IGLL5: variants seen among roughly 807,000 people sequenced by gnomAD.
IGLL5 encodes the protein immunoglobulin lambda like polypeptide 5.
IGLL5 carries 30 observed loss-of-function variants against 20.9 expected under a neutral mutation model. The ratio of observed to expected loss-of-function variants is 1.44; its 90% CI spans 1.07 to 1.95. The LOEUF (loss-of-function observed/expected upper bound fraction) is 1.95. IGLL5 is among the 30% of genes most tolerant of loss of function. IGLL5 has a pLI of 0.00. For missense variants in IGLL5, 475 were observed against 270.7 expected (o/e 1.75, Z -5.30); for synonymous variants, 203 against 117.3 (o/e 1.73, Z -4.72).
intron 1 of IGLL5, among the ~76,000 whole-genome samples, chr22:22,888,490 G>C (rs1261938113): frequency 6.6e-6 from 1 of 151,170 alleles, no homozygotes; most frequent in Admixed American, 6.6e-5. Flanking sequence ...GAGTTTTCTG[G>C]CGCCACTTAA....
Position 22,888,406 on chromosome 22 carries a change from T to G in IGLL5, c.206+147T>G, listed in dbSNP as rs184632175. Reference sequence around the variant, plus strand: ...GACACTGGCTTTAGTAATGGGTTGATATTTTGTCCATCACAGATTTGTTTG... The same window carrying G: ...GACACTGGCTTTAGTAATGGGTTGAGATTTTGTCCATCACAGATTTGTTTG... On this transcript the variant is annotated intron_variant, in intron 1 of 2. Transcript: ENST00000526893. 1.2e-5 allele frequency: 8 copies of G among 646,832 alleles called. 1 individual carries two copies. Among genetic ancestry groups the G allele is most frequent in the South Asian group, 3.9e-5 (2 of 51,578 alleles). The allele number at this position is 646,832 out of a possible 1,614,324, so 40.1% of individuals were successfully genotyped here. A position where few individuals can be genotyped will look rare whatever the true frequency, so the allele number is the denominator to read the frequency against.
At chr22:22,889,692 A>C (rs2067745302) in intron 1 of IGLL5, among the ~76,000 whole-genome samples, 1 of 151,262 alleles carries the variant, frequency 6.6e-6, no homozygotes, top group African/African-American at 2.4e-5. Flanking sequence ...GGCTCAAAAG[A>C]TCCTCCAGCC....
At chr22:22,888,444 T>G (rs1601600849) in intron 1 of IGLL5, among the ~76,000 whole-genome samples, 185 bp downstream of exon 1, 2 of 151,468 alleles carry the variant, frequency 1.3e-5, no homozygotes, top group South Asian at 4.2e-4. Flanking sequence ...TTACTGTTTT[T>G]AATATCATAT....
rs2067553727 is a variant in IGLL5 at position 22,887,931 on chromosome 22, A to C, written c.-123A>C. 1 of 795,716 alleles carries C rather than the reference A, an allele frequency of 1.3e-6. No homozygotes were observed. Among genetic ancestry groups the C allele is most frequent in the South Asian group, 1.5e-5 (1 of 67,502 alleles). The allele number at this position is 795,716 out of a possible 1,614,324, so 49.3% of individuals were successfully genotyped here. ...CAGGGACCAGAGCCAGTCCAGGGAG[A>C]GGACAGAGCCAATGGACTGGGGTGT... On this transcript the variant is annotated 5_prime_UTR_variant, in exon 1 of 3. Transcript: ENST00000526893.
At chr22:22,894,198 A>T (rs575834150) in intron 2 of IGLL5, among the ~76,000 whole-genome samples, 1 of 149,016 alleles carries the variant, frequency 6.7e-6, no homozygotes, top group Admixed American at 6.7e-5. Context: ...TGGGCCTGGG[A>T]GCTGCTGAGT....
At chr22:22,895,274 C>A in intron 2 of IGLL5, 101 bp from the exon 3 acceptor site, 1 of 1,109,206 alleles carries the variant, frequency 9.0e-7, no homozygotes, top group Non-Finnish European at 1.3e-6. Flanking sequence ...GACCGGATGG[C>A]CACACTGTGA....
chr22:22,895,789 C>G lies in IGLL5; in HGVS notation c.*95C>G. 1 of 1,152,496 alleles carries G rather than the reference C, an allele frequency of 8.7e-7. No individual in the cohort carries two copies. The highest frequency in any genetic ancestry group is 2.3e-4 in the Middle Eastern group (1 of 4,404). The allele number at this position is 1,152,496 out of a possible 1,614,324, so 71.4% of individuals were successfully genotyped here. A position where few individuals can be genotyped will look rare whatever the true frequency, so the allele number is the denominator to read the frequency against. ...ATCCCAAGTCATCCAGCCCTTCTCC[C>G]TGCACTCATGAAACCCCAATAAATA... On this transcript the variant is annotated 3_prime_UTR_variant, in exon 3 of 3. Transcript: ENST00000526893.
chr22:22,894,358 T>G, intron 2 of IGLL5, among the ~76,000 whole-genome samples: 2 of 151,392 alleles, frequency 1.3e-5, no homozygotes, highest in East Asian at 4.0e-4. Flanking sequence ...GCTCTGGGTC[T>G]AGGCTGCAGC....
chr22:22,893,552 A>G, intron 1 of IGLL5, 148 bp from the exon 2 acceptor site: 1 of 603,692 alleles, frequency 1.7e-6, no homozygotes. Context: ...GGAAAGACAC[A>G]CACTGGGGTA....
intron 2 of IGLL5, among the ~76,000 whole-genome samples, chr22:22,894,428 T>A (rs1601626283): frequency 2.0e-5 from 3 of 151,266 alleles, no homozygotes; most frequent in South Asian, 2.1e-4. Flanking sequence ...TGAGACTGGG[T>A]GAGGTGCCAG....
intron 1 of IGLL5, among the ~76,000 whole-genome samples, chr22:22,888,860 A>C (rs530768466): frequency 1.3e-5 from 2 of 151,406 alleles, no homozygotes; most frequent in Admixed American, 1.3e-4. Context: ...CAATAAAGGG[A>C]GAGGGGATCT....
rs778779265 is a variant in IGLL5, at chr22:22,895,493, G to A, written c.444G>A (p.Val148=). ...ISDFYPGAVT[V]AWKADGSPVK... ...ACTTCTACCCGGGAGCTGTGACAGT[G>A]GCCTGGAAGGCAGATGGCAGCCCCG... The change falls in exon 3 of 3, where the codon GTG becomes GTA. Residue 148 remains valine (V), a synonymous_variant. Coordinates refer to ENST00000526893, the MANE Select transcript of IGLL5 (RefSeq NM_001178126.2). The A allele has an allele frequency of 1.9e-6, 3 of 1,612,742 alleles. No homozygotes were observed. The highest frequency in any genetic ancestry group is 2.2e-5 in the South Asian group (2 of 91,010).
chr22:22,889,328 G>A (rs906703702), intron 1 of IGLL5, among the ~76,000 whole-genome samples: 8 of 150,982 alleles, frequency 5.3e-5, no homozygotes, highest in African/African-American at 1.9e-4. Flanking sequence ...AGACACGCTC[G>A]GGGACTGTCT....
At chr22:22,891,530 T>G (rs976845194) in intron 1 of IGLL5, among the ~76,000 whole-genome samples, 2 of 151,172 alleles carry the variant, frequency 1.3e-5, no homozygotes, top group Non-Finnish European at 2.9e-5. Flanking sequence ...ATTCTTAGAG[T>G]TGGACTGCAG....
At chr22:22,892,164 T>A (rs1342080364) in intron 1 of IGLL5, among the ~76,000 whole-genome samples, 2 of 151,326 alleles carry the variant, frequency 1.3e-5, no homozygotes, top group East Asian at 4.0e-4. Context: ...TTAAGAAAAT[T>A]TTCTTCAGTA....
intron 2 of IGLL5, 95 bp from the exon 3 acceptor site, chr22:22,895,280 T>C: frequency 8.3e-7 from 1 of 1,204,414 alleles, no homozygotes; most frequent in Non-Finnish European, 1.2e-6. Context: ...ATGGCCACAC[T>C]GTGAACCCTC....
At chr22:22,888,946 A>T (rs1601605133) in intron 1 of IGLL5, among the ~76,000 whole-genome samples, 2 of 151,356 alleles carry the variant, frequency 1.3e-5, no homozygotes, top group Non-Finnish European at 2.9e-5. Flanking sequence ...CAAAAGACAG[A>T]GCAGCGTCAG....
Position 22,896,044 on chromosome 22 carries a change from C to A in IGLL5, c.*350C>A, listed in dbSNP as rs1429241789. ...TACCCCTGAGCTACCAGTCTGGCAT[C>A]AGTTCAGACCAGTCCCACACCCTCC... is the stretch of plus-strand genomic sequence containing the variant. On this transcript the variant is annotated 3_prime_UTR_variant, in exon 3 of 3. Transcript: ENST00000526893. 1 of 462,666 alleles carries A rather than the reference C, an allele frequency of 2.2e-6. No homozygotes were observed. The highest frequency in any genetic ancestry group is 2.2e-5 in the South Asian group (1 of 46,282). The allele number at this position is 462,666 out of a possible 1,614,324, so 28.7% of individuals were successfully genotyped here.
chr22:22,893,865 C>G (rs775296665), intron 2 of IGLL5, 47 bp downstream of exon 2: 3 of 1,292,740 alleles, frequency 2.3e-6, no homozygotes, highest in Non-Finnish European at 2.3e-6. Flanking sequence ...CTCTGCTGTC[C>G]CTGGAAAATC....
Sources: allele counts gnomAD v4.1 joint callset (sites outside exome capture counted in the v4.1 genomes callset), GRCh38; gene constraint gnomAD v4.1.1; transcripts MANE v1.5; gene names NCBI Gene and HGNC (gene_info 2026-07-23, HGNC 2026-07-21).